Variants in HESX1 observed in about 807,000 individuals in gnomAD.
The protein encoded by HESX1 is homeobox expressed in ES cells 1.
In HESX1, 11 loss-of-function variants were observed where a neutral mutation model predicts 22.5. The ratio of observed to expected loss-of-function variants is 0.49; its 90% CI spans 0.31 to 0.81. The LOEUF (loss-of-function observed/expected upper bound fraction) is 0.81, where lower values mean the gene tolerates loss of function less well. Ranked by LOEUF, HESX1 falls within the 30% of genes least tolerant of loss-of-function variation. The pLI is 0.05. For missense variants in HESX1, 201 were observed against 212.6 expected (o/e 0.95, Z 0.34); for synonymous variants, 74 against 76.5 (o/e 0.97, Z 0.17).
upstream of HESX1, among the ~76,000 whole-genome samples, chr3:57,227,360 T>C (rs1559504129): frequency 6.6e-6 from 1 of 152,176 alleles, no homozygotes. Context: ...TTGGGAATGT[T>C]ATCATCTGAG....
At chr3:57,200,773 A>G (rs1423466184), upstream of HESX1, among the ~76,000 whole-genome samples, 2 of 152,236 alleles carry the variant, frequency 1.3e-5, no homozygotes, top group African/African-American at 2.4e-5. Flanking sequence ...CAGTTATTTC[A>G]AAGAAAAGAA....
chr3:57,208,463 C>T (rs1579357144), intron 1 of HESX1, among the ~76,000 whole-genome samples: 2 of 151,946 alleles, frequency 1.3e-5, no homozygotes, highest in Admixed American at 1.3e-4. Context: ...TCTCCTGCCT[C>T]AGCCTCCCTA....
chr3:57,200,045 A>G, upstream of HESX1: 1 of 786,924 alleles, frequency 1.3e-6, no homozygotes, highest in Non-Finnish European at 2.2e-6. Flanking sequence ...TTAGAACGTC[A>G]CTAATTAAAA....
chr3:57,225,844 C>T (rs72875875), intron 1 of HESX1, among the ~76,000 whole-genome samples: 10,648 of 151,298 alleles, frequency 0.07, 1,250 homozygotes, highest in African/African-American at 0.24. Context: ...TTGGTTTGGC[C>T]AAGTTAATTA....
chr3:57,211,145 G>C (rs2060550727), intron 1 of HESX1, among the ~76,000 whole-genome samples: 1 of 150,512 alleles, frequency 6.6e-6, no homozygotes, highest in African/African-American at 2.4e-5. Flanking sequence ...TTGAACCCGG[G>C]AGGTGGAGGT....
At position 57,207,444 on chromosome 3, in the gene HESX1, A is replaced by C. The variant is rs1249384157; in HGVS notation, c.-110-7416T>G. 3.3e-5 allele frequency among the ~76,000 whole-genome samples: 5 copies of C among 152,328 alleles called. No individual in the cohort carries two copies. In the East Asian group the frequency reaches 9.6e-4, roughly 29 times the overall value. On this transcript the variant is annotated intron_variant, in intron 1 of 2. Transcript: ENST00000495160. ...TTTTCTACTGTCTGGATTGTGGACA[A>C]GATGGTGGGAGCTGACAAAATGTTG...
At chr3:57,210,880 T>C (rs9843663) in intron 1 of HESX1, among the ~76,000 whole-genome samples, 2,920 of 152,324 alleles carry the variant, frequency 0.019, 101 homozygotes, top group African/African-American at 0.065. Flanking sequence ...TATGGCATTC[T>C]GTAACTAAAA....
upstream of HESX1, among the ~76,000 whole-genome samples, chr3:57,200,447 A>G (rs180755393): frequency 1.3e-3 from 197 of 152,356 alleles, 3 homozygotes; most frequent in Middle Eastern, 0.014. Context: ...TATTACAGTA[A>G]TTCTGATGAA....
rs759180706 is a variant in HESX1, at chr3:57,198,221, A to AT, written c.533dup (p.Asn178LysfsTer16). On this transcript the variant is annotated frameshift_variant, in exon 4 of 4. Coordinates refer to ENST00000295934, the MANE Select transcript of HESX1 (RefSeq NM_003865.3). LOFTEE classifies it high-confidence loss of function. ...TCTATTCCAGCAGATTTGTGTTGAA[A>AT]TTTTTTTTCGCCATTAGAAACTGTG... The AT allele has an allele frequency of 3.1e-6, 5 of 1,610,440 alleles. No homozygotes were observed. Among genetic ancestry groups the AT allele is most frequent in the East Asian group, 2.2e-5 (1 of 44,712 alleles).
chr3:57,225,881 C>CTTT (rs540522007), intron 1 of HESX1, among the ~76,000 whole-genome samples: 13 of 132,128 alleles, frequency 9.8e-5, no homozygotes, highest in East Asian at 2.2e-4. Flanking sequence ...CTTTTCTTTT[C>CTTT]TTTTTTTTTT....
In HESX1 at chr3:57,207,600, T is replaced by C. The variant is rs1013451790; in HGVS notation, c.-110-7572A>G. ...CTTGTTGTTTGGGGTCTGTAAGTTA[T>C]AGCAGTCAAGTCTATACCATAACTG... is the stretch of plus-strand genomic sequence containing the variant. On this transcript the variant is annotated intron_variant, in intron 1 of 2. Coordinates refer to the HESX1 transcript ENST00000495160. Among the ~76,000 whole-genome samples the C allele has an allele frequency of 5.3e-5, 8 of 152,210 alleles. No individual in the cohort carries two copies. In the East Asian group the frequency reaches 5.8e-4, roughly 11 times the overall value.
upstream of HESX1, among the ~76,000 whole-genome samples, chr3:57,227,066 G>T (rs540612542): frequency 6.6e-6 from 1 of 152,304 alleles, no homozygotes; most frequent in African/African-American, 2.4e-5. Flanking sequence ...ATTTTTAAAA[G>T]ATATTTTCCT....
In HESX1 at chr3:57,198,818, A is replaced by T. The variant is rs1213861961; in HGVS notation, c.292T>A (p.Ser98Thr). Residue 98 changes from serine to threonine, a missense_variant, in exon 2 of 4, where the codon TCT (serine) becomes ACT (threonine). By Grantham distance (58) the Ser-to-Thr change is moderately conservative. Coordinates refer to ENST00000295934, the MANE Select transcript of HESX1 (RefSeq NM_003865.3). ...ENYFSASERLSLKRELSWYRG... is the reference protein window; with the variant it reads ...ENYFSASERLTLKRELSWYRG... ...TACCAACTCAACTCTCTTTTCAAAG[A>T]CAGTCTTTCTGAGGCTGAAAAGTAA... 6.2e-7 allele frequency: 1 copy of T among 1,614,018 alleles called. No individual in the cohort carries two copies. The highest frequency in any genetic ancestry group is 8.5e-7 in the Non-Finnish European group (1 of 1,180,032).
intron 1 of HESX1, among the ~76,000 whole-genome samples, chr3:57,224,291 T>A (rs947806458): frequency 6.6e-6 from 1 of 152,168 alleles, no homozygotes; most frequent in African/African-American, 2.4e-5. Flanking sequence ...GCCAATTTTT[T>A]AAAATTTTAA....
At chr3:57,207,758 A>G (rs1341264018) in intron 1 of HESX1, among the ~76,000 whole-genome samples, 1 of 152,202 alleles carries the variant, frequency 6.6e-6, no homozygotes, top group African/African-American at 2.4e-5. Context: ...ATCAGAAATG[A>G]CTGGGAAGAT....
In HESX1 at chr3:57,207,797, A is replaced by T. The variant is rs372388927; in HGVS notation, c.-110-7769T>A. ...AAAAAGAACTAAATGGAATTCATAA[A>T]ATAAAAAATGCATATAATTATTGAA... On this transcript the variant is annotated intron_variant, in intron 1 of 2. Transcript: ENST00000495160. Among the ~76,000 whole-genome samples the T allele has an allele frequency of 1.2e-4, 19 of 152,364 alleles. No individual in the cohort carries two copies. In the South Asian group the frequency reaches 3.9e-3, roughly 32 times the overall value.
At position 57,224,235 on chromosome 3, in the gene HESX1, C is replaced by T. The variant is rs192712284; in HGVS notation, c.-111+2061G>A. Among the ~76,000 whole-genome samples, 616 of 152,268 alleles carry T rather than the reference C, an allele frequency of 4.0e-3. 3 individuals are homozygous for T. Among genetic ancestry groups the T allele is most frequent in the African/African-American group, 0.014 (568 of 41,570 alleles). On this transcript the variant is annotated intron_variant, in intron 1 of 2. Transcript: ENST00000495160. ...TTGACCTCAGGTGATCCACCCGCCT[C>T]GGCCTCCCGAAGTGCTGGGATTACA...
At chr3:57,201,873 CTATA>C (rs1237570916), upstream of HESX1, among the ~76,000 whole-genome samples, 81 of 108,578 alleles carry the variant, frequency 7.5e-4, no homozygotes, top group African/African-American at 2.4e-3. Context: ...ATCTATCTAT[CTATA>C]TCTATCTATC....
intron 1 of HESX1, 125 bp from the exon 2 acceptor site, chr3:57,199,077 G>T: frequency 1.1e-6 from 1 of 872,988 alleles, no homozygotes; most frequent in Non-Finnish European, 1.8e-6. Context: ...CAAGAGAATT[G>T]CACCCCGTTA....
Sources: allele counts gnomAD v4.1 joint callset (sites outside exome capture counted in the v4.1 genomes callset), GRCh38; gene constraint gnomAD v4.1.1; transcripts MANE v1.5; gene names NCBI Gene and HGNC (gene_info 2026-07-23, HGNC 2026-07-21).